Variants in PDE3B observed in about 807,000 individuals in gnomAD.
PDE3B encodes the protein cGMP-inhibited 3',5'-cyclic phosphodiesterase 3B.
Under a neutral mutation model 116.8 loss-of-function variants are expected in PDE3B, and 66 were observed. The ratio of observed to expected loss-of-function variants is 0.56; its 90% confidence interval spans 0.46 to 0.69. The LOEUF (loss-of-function observed/expected upper bound fraction) is 0.69. Ranked by LOEUF, PDE3B falls within the 30% of genes least tolerant of loss-of-function variation. PDE3B has a pLI of 0.00. For missense variants in PDE3B, 1,384 were observed against 1,368.1 expected (o/e 1.01, Z -0.18); for synonymous variants, 595 against 533.6 (o/e 1.12, Z -1.59).
At chr11:14,701,539 G>A (rs1277162442) in intron 1 of PDE3B, among the ~76,000 whole-genome samples, 1 of 151,476 alleles carries the variant, frequency 6.6e-6, no homozygotes, top group Admixed American at 6.6e-5. Flanking sequence ...CACTCCAAAA[G>A]CAATTACTCC....
At chr11:14,865,421 G>A (rs1848026078) in intron 14 of PDE3B, among the ~76,000 whole-genome samples, 1 of 152,046 alleles carries the variant, frequency 6.6e-6, no homozygotes. Context: ...TATCTACTAG[G>A]TGAGGGCTTT....
At chr11:14,891,133 C>T in the PDE3B span, 1 of 985,368 alleles carries the variant, frequency 1.0e-6, no homozygotes, top group South Asian at 4.7e-5. Context: ...CCTGCCCCCT[C>T]CGGACGTCGG....
chr11:14,811,958 A>G (rs1368014351), intron 5 of PDE3B, among the ~76,000 whole-genome samples: 1 of 152,146 alleles, frequency 6.6e-6, no homozygotes, highest in Admixed American at 6.5e-5. Flanking sequence ...TTATTGGTGT[A>G]TAAGAATGCT....
intron 1 of PDE3B, among the ~76,000 whole-genome samples, chr11:14,724,858 C>CATTT (rs1297934845): frequency 1.3e-5 from 2 of 152,160 alleles, no homozygotes; most frequent in Non-Finnish European, 2.9e-5. Context: ...TTCTTTCACT[C>CATTT]ATTTATTTAT....
chr11:14,895,255 TG>T, the PDE3B span, among the ~76,000 whole-genome samples: 4 of 152,232 alleles, frequency 2.6e-5, no homozygotes, highest in Admixed American at 2.6e-4. Flanking sequence ...GCATTCTCAG[TG>T]TGTTTCATCA....
At chr11:14,835,231 T>G (rs1039254519) in intron 11 of PDE3B, 136 bp downstream of exon 11, 10 of 544,990 alleles carry the variant, frequency 1.8e-5, no homozygotes, top group Admixed American at 1.4e-4. Context: ...GTACGTTTTT[T>G]TAACCACTTA....
At chr11:14,659,151 G>GC (rs1171785595) in intron 1 of PDE3B, among the ~76,000 whole-genome samples, 3 of 152,202 alleles carry the variant, frequency 2.0e-5, no homozygotes, top group Admixed American at 6.5e-5. Context: ...GAAGAATGTT[G>GC]CAAGTTGGGA....
At chr11:14,681,227 A>G (rs1854694865) in intron 1 of PDE3B, among the ~76,000 whole-genome samples, 2 of 152,190 alleles carry the variant, frequency 1.3e-5, no homozygotes, top group African/African-American at 4.8e-5. Context: ...ACATAACCTC[A>G]TTGTAAGTCG....
At chr11:14,668,168 A>T (rs1854242209) in intron 1 of PDE3B, among the ~76,000 whole-genome samples, 1 of 152,098 alleles carries the variant, frequency 6.6e-6, no homozygotes, top group South Asian at 2.1e-4. Flanking sequence ...ACTTTTTCTG[A>T]GACAGTATCG....
At chr11:14,890,563 T>C in the PDE3B span, 1 of 438,476 alleles carries the variant, frequency 2.3e-6, no homozygotes, top group Non-Finnish European at 3.0e-6. Flanking sequence ...TTTTTTTTTT[T>C]TGAGACGGAG....
intron 1 of PDE3B, among the ~76,000 whole-genome samples, chr11:14,668,485 A>C (rs1194225901): frequency 2.0e-5 from 3 of 152,164 alleles, no homozygotes; most frequent in Non-Finnish European, 4.4e-5. Flanking sequence ...TAATGAATAC[A>C]CTAAACTTTT....
chr11:14,662,023 C>G (rs966760185), intron 1 of PDE3B, among the ~76,000 whole-genome samples: 2 of 152,202 alleles, frequency 1.3e-5, no homozygotes, highest in African/African-American at 2.4e-5. Context: ...TCCCTGACCC[C>G]TGACCCCCGA....
At chr11:14,824,985 TAA>T (rs746612159) in intron 7 of PDE3B, among the ~76,000 whole-genome samples, 1 of 143,420 alleles carries the variant, frequency 7.0e-6, no homozygotes, top group African/African-American at 2.5e-5. Context: ...TCAACATTCT[TAA>T]AAAAAAAAAA....
At chr11:14,793,016 A>G (rs1000706081) in intron 4 of PDE3B, among the ~76,000 whole-genome samples, 15 of 152,186 alleles carry the variant, frequency 9.9e-5, no homozygotes, top group Admixed American at 9.8e-4. Context: ...AGATTGCATT[A>G]AAATGAATCT....
chr11:14,782,491 T>A (rs928544753), intron 2 of PDE3B, among the ~76,000 whole-genome samples: 29 of 152,070 alleles, frequency 1.9e-4, no homozygotes, highest in African/African-American at 7.0e-4. Context: ...ACAAACCTGA[T>A]AAAAACAAGA....
At chr11:14,654,690 AAAG>A (rs1347593514) in intron 1 of PDE3B, among the ~76,000 whole-genome samples, 1 of 152,134 alleles carries the variant, frequency 6.6e-6, no homozygotes, top group Non-Finnish European at 1.5e-5. Flanking sequence ...TTTACATTGG[AAAG>A]AAGAAATTAG....
chr11:14,806,750 T>C (rs1858940998), intron 5 of PDE3B, among the ~76,000 whole-genome samples: 1 of 148,382 alleles, frequency 6.7e-6, no homozygotes, highest in African/African-American at 2.5e-5. Context: ...TCCCAGCTAT[T>C]TGGGAGGCTG....
rs1353924147 is a variant in PDE3B at position 14,644,495 on chromosome 11, G to C, written c.420G>C (p.Lys140Asn). Residue 140 changes from lysine (K) to asparagine (N), a missense_variant, in exon 1 of 16, where the codon AAG becomes AAC. Coordinates refer to ENST00000282096, the MANE Select transcript of PDE3B (RefSeq NM_000922.4). The part of the protein sequence containing the change: ...FFLTCFLTRT[K>N]RGPGPGRSCG... ...TCACCTGCTTCCTCACCCGGACCAA[G>C]CGGGGACCCGGCCCGGGCCGGAGCT... 5 of 1,612,140 alleles carry C rather than the reference G, an allele frequency of 3.1e-6. No homozygotes were observed. Among genetic ancestry groups the C allele is most frequent in the Non-Finnish European group, 4.2e-6 (5 of 1,179,244 alleles).
intron 1 of PDE3B, among the ~76,000 whole-genome samples, chr11:14,662,488 C>A (rs1853962229): frequency 6.6e-6 from 1 of 151,922 alleles, no homozygotes; most frequent in African/African-American, 2.4e-5. Flanking sequence ...GAGAAGAAGG[C>A]TTCAGACAAT....
Sources: allele counts gnomAD v4.1 joint callset (sites outside exome capture counted in the v4.1 genomes callset), GRCh38; gene constraint gnomAD v4.1.1; transcripts MANE v1.5; gene names NCBI Gene and HGNC (gene_info 2026-07-23, HGNC 2026-07-21).